The following PRKACB variants were observed in gnomAD, a reference collection of about 807,000 sequenced individuals.
PRKACB encodes the protein protein kinase cAMP-activated catalytic subunit beta, also known as cAMP-dependent protein kinase catalytic subunit beta.
Under a neutral mutation model 51.4 loss-of-function variants are expected in PRKACB, and 16 were observed. The observed-to-expected ratio is 0.31, with a 90% CI of 0.21 to 0.47. The LOEUF (loss-of-function observed/expected upper bound fraction) is 0.47. Among genes scored for constraint, PRKACB ranks in the 20% least tolerant of loss-of-function variants. The probability of loss-of-function intolerance (pLI) is 1.00; values close to 1 mark genes in which losing one functional copy is unlikely to be tolerated. For synonymous variants in PRKACB, 147 were observed against 154.4 expected (o/e 0.95, Z 0.35); for missense variants, 309 against 464.5 (o/e 0.67, Z 3.08).
At chr1:84,162,782 A>G (rs944272531) in intron 1 of PRKACB, among the ~76,000 whole-genome samples, 1 of 151,940 alleles carries the variant, frequency 6.6e-6, no homozygotes, top group Non-Finnish European at 1.5e-5. Context: ...TGTCTGCTAA[A>G]TTCTACACCT....
chr1:84,199,060 CGTATATATGCATATATGTATATA>C (rs1669154624), intron 7 of PRKACB, among the ~76,000 whole-genome samples: 1 of 48,238 alleles, frequency 2.1e-5, no homozygotes, highest in Non-Finnish European at 7.9e-5. Flanking sequence ...TATATATATG[CGTATATATGCATATATGTATATA>C]TATGCGTATA....
intron 1 of PRKACB, among the ~76,000 whole-genome samples, chr1:84,135,798 G>A (rs1430282209): frequency 6.6e-6 from 1 of 151,798 alleles, no homozygotes; most frequent in Non-Finnish European, 1.5e-5. Flanking sequence ...TTAAATGCAG[G>A]TTCTAGAAAA....
At chr1:84,122,437 GCAGAGATAAA>G (rs1651161466) in intron 1 of PRKACB, among the ~76,000 whole-genome samples, 1 of 152,134 alleles carries the variant, frequency 6.6e-6, no homozygotes, top group African/African-American at 2.4e-5. Flanking sequence ...TACCAGGAAT[GCAGAGATAAA>G]CAGATCCATT....
intron 8 of PRKACB, among the ~76,000 whole-genome samples, chr1:84,208,281 T>G (rs1447355444): frequency 6.6e-6 from 1 of 152,244 alleles, no homozygotes; most frequent in African/African-American, 2.4e-5. Context: ...AAAACTCAAA[T>G]GTACAAGACT....
At chr1:84,179,078 T>C in intron 1 of PRKACB, 99 bp from the exon 2 acceptor site, 1 of 1,310,398 alleles carries the variant, frequency 7.6e-7, no homozygotes, top group South Asian at 1.4e-5. Context: ...AGATGACATG[T>C]CTTTTTTTAA....
intron 2 of PRKACB, 45 bp from the exon 3 acceptor site, chr1:84,182,155 T>C: frequency 1.5e-6 from 2 of 1,333,004 alleles, no homozygotes; most frequent in Non-Finnish European, 2.0e-6. Context: ...ATTCCCATAG[T>C]GTTTTTACGA....
chr1:84,180,860 G>A (rs1435180805), intron 2 of PRKACB, among the ~76,000 whole-genome samples: 1 of 151,902 alleles, frequency 6.6e-6, no homozygotes, highest in African/African-American at 2.4e-5. Context: ...AATGAAAAAA[G>A]CATAAAGAGC....
intron 1 of PRKACB, among the ~76,000 whole-genome samples, chr1:84,177,960 C>T (rs1661908680): frequency 6.6e-6 from 1 of 151,858 alleles, no homozygotes; most frequent in African/African-American, 2.4e-5. Context: ...CAGTAAAATA[C>T]AAAGGACAGT....
chr1:84,148,978 G>A (rs1654487797), intron 1 of PRKACB, among the ~76,000 whole-genome samples: 1 of 152,074 alleles, frequency 6.6e-6, no homozygotes, highest in Non-Finnish European at 1.5e-5. Flanking sequence ...GAGCTTGTTA[G>A]GAGGAAGAAT....
intron 1 of PRKACB, among the ~76,000 whole-genome samples, chr1:84,174,551 A>G (rs190439541): frequency 3.9e-5 from 6 of 152,070 alleles, no homozygotes; most frequent in Admixed American, 2.0e-4. Flanking sequence ...ATGGTGCTCA[A>G]TAAATACTGT....
intron 8 of PRKACB, chr1:84,205,025 C>G (rs973377875): frequency 3.1e-6 from 3 of 983,238 alleles, no homozygotes; most frequent in Middle Eastern, 5.2e-4. Context: ...AGAAGAATGA[C>G]ACCAGAAAAC....
At chr1:84,217,048 C>A (rs1333780367) in intron 9 of PRKACB, among the ~76,000 whole-genome samples, 1 of 152,136 alleles carries the variant, frequency 6.6e-6, no homozygotes, top group Non-Finnish European at 1.5e-5. Flanking sequence ...TGATCTGAAT[C>A]CCTGATCAAC....
At chr1:84,165,522 A>T (rs1030246193) in intron 1 of PRKACB, among the ~76,000 whole-genome samples, 4 of 151,834 alleles carry the variant, frequency 2.6e-5, no homozygotes, top group Non-Finnish European at 5.9e-5. Flanking sequence ...TAAGGATTTA[A>T]TGATGAAATA....
chr1:84,083,179 A>G (rs1458328446), intron 1 of PRKACB, among the ~76,000 whole-genome samples: 2 of 152,212 alleles, frequency 1.3e-5, no homozygotes, highest in African/African-American at 4.8e-5. Context: ...TCAATTATCA[A>G]AGGAAAATCA....
At chr1:84,179,940 C>G (rs1263315461) in intron 2 of PRKACB, among the ~76,000 whole-genome samples, 1 of 149,728 alleles carries the variant, frequency 6.7e-6, no homozygotes, top group Non-Finnish European at 1.5e-5. Context: ...TGCTATCCCT[C>G]CCCTAGCCCC....
At chr1:84,114,019 T>C (rs1474677263) in intron 1 of PRKACB, among the ~76,000 whole-genome samples, 1 of 152,130 alleles carries the variant, frequency 6.6e-6, no homozygotes, top group Non-Finnish European at 1.5e-5. Flanking sequence ...AAATGATTAA[T>C]AGCTAGGGAC....
intron 1 of PRKACB, among the ~76,000 whole-genome samples, chr1:84,176,935 G>A (rs1337781400): frequency 6.6e-6 from 1 of 151,866 alleles, no homozygotes; most frequent in Non-Finnish European, 1.5e-5. Context: ...TCACCAGGCA[G>A]GGAAAAGGAA....
intron 1 of PRKACB, among the ~76,000 whole-genome samples, chr1:84,114,312 A>G (rs1478964905): frequency 6.6e-6 from 1 of 152,204 alleles, no homozygotes; most frequent in Non-Finnish European, 1.5e-5. Flanking sequence ...AAAGCTGTAT[A>G]TGTTTTCCAC....
chr1:84,088,256 T>C (rs1648176294), intron 1 of PRKACB, among the ~76,000 whole-genome samples: 1 of 152,224 alleles, frequency 6.6e-6, no homozygotes, highest in African/African-American at 2.4e-5. Context: ...TGTCTTCTAT[T>C]CATATGTTAA....
Sources: gnomAD v4.1 joint callset for allele counts (sites outside exome capture counted in the v4.1 genomes callset) on GRCh38, gnomAD v4.1.1 for gene constraint, MANE v1.5 for transcripts, NCBI Gene and HGNC (gene_info 2026-07-23, HGNC 2026-07-21) for gene names.